TJP1: variants seen among roughly 807,000 people sequenced by gnomAD.
TJP1 encodes tight junction protein ZO-1.
TJP1 carries 43 observed loss-of-function variants against 194.2 expected under a neutral mutation model. The ratio of observed to expected loss-of-function variants is 0.22; its 90% CI spans 0.17 to 0.29. The LOEUF is 0.29. Among genes scored for constraint, TJP1 ranks in the 10% least tolerant of loss-of-function variants. The pLI, the probability that TJP1 is intolerant of heterozygous loss-of-function variation, is 1.00. For synonymous variants in TJP1, 801 were observed against 779.0 expected, an observed-to-expected ratio of 1.03 and a Z score of -0.47; for missense variants, 1,971 against 2,185.7, an observed-to-expected ratio of 0.90 and a Z score of 1.96.
At chr15:29,788,355 T>C (rs554048852) in intron 2 of TJP1, among the ~76,000 whole-genome samples, 1 of 152,324 alleles carries the variant, frequency 6.6e-6, no homozygotes, top group African/African-American at 2.4e-5. Context: ...GCTTATACTT[T>C]TGACATCATA....
intron 8 of TJP1, among the ~76,000 whole-genome samples, chr15:29,753,771 A>G (rs1006451208): frequency 2.6e-5 from 4 of 151,210 alleles, no homozygotes; most frequent in Non-Finnish European, 4.4e-5. Flanking sequence ...TTAATGAATC[A>G]TATCTTTCTA....
At chr15:29,957,215 G>A (rs1303651902) in intron 1 of TJP1, among the ~76,000 whole-genome samples, 1 of 152,158 alleles carries the variant, frequency 6.6e-6, no homozygotes, top group African/African-American at 2.4e-5. Context: ...CATCTATAAA[G>A]TGCACACTGG....
intron 2 of TJP1, among the ~76,000 whole-genome samples, chr15:29,779,328 T>C (rs1476375875): frequency 2.0e-5 from 3 of 152,200 alleles, no homozygotes; most frequent in African/African-American, 7.2e-5. Flanking sequence ...CTTGACTACA[T>C]GTATGCAGAT....
chr15:29,746,169 A>G (rs964273087), intron 8 of TJP1, among the ~76,000 whole-genome samples: 5 of 152,142 alleles, frequency 3.3e-5, no homozygotes, highest in African/African-American at 9.7e-5. Flanking sequence ...ACAAGGTCAG[A>G]AGATCGAGAC....
intron 4 of TJP1, among the ~76,000 whole-genome samples, chr15:29,769,249 G>A (rs563184327): frequency 3.9e-5 from 6 of 152,264 alleles, no homozygotes; most frequent in Admixed American, 2.0e-4. Flanking sequence ...TACACCATGA[G>A]AGGATCAAAT....
intron 1 of TJP1, among the ~76,000 whole-genome samples, chr15:29,803,526 T>C (rs2048921922): frequency 6.6e-6 from 1 of 152,170 alleles, no homozygotes; most frequent in Non-Finnish European, 1.5e-5. Context: ...ACGTAAAGTA[T>C]TTTCAACTTA....
intron 2 of TJP1, among the ~76,000 whole-genome samples, chr15:29,850,871 C>T (rs1232369629): frequency 1.3e-5 from 2 of 152,004 alleles, no homozygotes; most frequent in African/African-American, 4.8e-5. Flanking sequence ...GGCACAGTGG[C>T]TCACGCCTGT....
At chr15:29,775,361 T>C (rs1020349008) in intron 2 of TJP1, among the ~76,000 whole-genome samples, 6 of 151,044 alleles carry the variant, frequency 4.0e-5, no homozygotes, top group African/African-American at 1.5e-4. Context: ...GTTACTAAGA[T>C]CTACAGGGAG....
intron 2 of TJP1, among the ~76,000 whole-genome samples, chr15:29,884,570 C>T (rs1482701760): frequency 6.6e-6 from 1 of 152,206 alleles, no homozygotes; most frequent in African/African-American, 2.4e-5. Flanking sequence ...TGTAATATAA[C>T]ATTTACTAAA....
At chr15:29,780,700 G>A (rs953819189) in intron 2 of TJP1, among the ~76,000 whole-genome samples, 1 of 152,092 alleles carries the variant, frequency 6.6e-6, no homozygotes, top group Non-Finnish European at 1.5e-5. Flanking sequence ...ACTGTTATTA[G>A]CACAAGAAGA....
chr15:29,805,160 G>C (rs1400720020), intron 1 of TJP1, among the ~76,000 whole-genome samples: 1 of 152,194 alleles, frequency 6.6e-6, no homozygotes, highest in Non-Finnish European at 1.5e-5. Context: ...CAACTGACTA[G>C]AATCACAATT....
chr15:29,907,646 G>A (rs1015816074), intron 2 of TJP1, among the ~76,000 whole-genome samples: 1 of 152,098 alleles, frequency 6.6e-6, no homozygotes, highest in African/African-American at 2.4e-5. Flanking sequence ...AAGGGTCTAA[G>A]AAACCTAAGA....
chr15:29,836,275 T>C (rs1372168376), intron 2 of TJP1, among the ~76,000 whole-genome samples: 1 of 138,642 alleles, frequency 7.2e-6, no homozygotes, highest in East Asian at 2.0e-4. Flanking sequence ...GATGATCAAC[T>C]TTTTTTTTTT....
intron 23 of TJP1, among the ~76,000 whole-genome samples, chr15:29,715,808 CCTCTGAAATAGGA>C (rs2042528728): frequency 6.6e-6 from 1 of 152,244 alleles, no homozygotes; most frequent in African/African-American, 2.4e-5. Flanking sequence ...GACCAACTGC[CCTCTGAAATAGGA>C]CTTGCTTAGC....
In TJP1 at chr15:29,779,989, G is replaced by A. The variant is rs1464988173; in HGVS notation, c.85-6632C>T. 6.2e-5 allele frequency among the ~76,000 whole-genome samples: 9 copies of A among 146,314 alleles called. No individual in the cohort carries two copies. The East Asian group carries it at 8.2e-4, about 13-fold the overall frequency. On this transcript the variant is annotated intron_variant, in intron 2 of 27. Coordinates refer to ENST00000614355, the MANE Select transcript of TJP1 (RefSeq NM_001330239.4). ...AACAAAATCCTCCCCGCCACCTCCCGAAGGAAAAAAAAAAAAACCACCACA... is the reference window on the plus strand; with the variant it reads ...AACAAAATCCTCCCCGCCACCTCCCAAAGGAAAAAAAAAAAAACCACCACA...
At chr15:29,764,700 T>C (rs532781463) in intron 5 of TJP1, among the ~76,000 whole-genome samples, 8 of 152,294 alleles carry the variant, frequency 5.3e-5, no homozygotes, top group African/African-American at 1.7e-4. Context: ...ACTGGATCAA[T>C]AGAAACACAT....
intron 2 of TJP1, among the ~76,000 whole-genome samples, chr15:29,849,299 A>T (rs1175673012): frequency 6.6e-6 from 1 of 152,138 alleles, no homozygotes; most frequent in East Asian, 1.9e-4. Flanking sequence ...ACACAGCCAC[A>T]TGTATGGTAT....
intron 1 of TJP1, among the ~76,000 whole-genome samples, chr15:29,814,620 G>A (rs1047767508): frequency 1.1e-4 from 17 of 152,164 alleles, no homozygotes; most frequent in African/African-American, 4.1e-4. Flanking sequence ...CAGTCTTTGG[G>A]AATTTACATT....
intron 2 of TJP1, among the ~76,000 whole-genome samples, chr15:29,788,334 T>C (rs897421183): frequency 1.3e-5 from 2 of 152,218 alleles, no homozygotes; most frequent in Non-Finnish European, 2.9e-5. Flanking sequence ...GTATCTGTTT[T>C]CCCTTTTGTT....
Sources: gnomAD v4.1 joint callset for allele counts (sites outside exome capture counted in the v4.1 genomes callset) on GRCh38, gnomAD v4.1.1 for gene constraint, MANE v1.5 for transcripts, NCBI Gene and HGNC (gene_info 2026-07-23, HGNC 2026-07-21) for gene names.